The following SPAG9 variants were observed in gnomAD, a reference collection of about 807,000 sequenced individuals.
The protein encoded by SPAG9 is sperm associated antigen 9.
SPAG9 carries 35 observed loss-of-function variants against 166.5 expected under a neutral mutation model. That is an observed-to-expected ratio of 0.21 (90% CI 0.16 to 0.28). The LOEUF (loss-of-function observed/expected upper bound fraction) is 0.28. Ranked by LOEUF, SPAG9 falls within the 10% of genes least tolerant of loss-of-function variation. SPAG9 has a pLI of 1.00. For synonymous variants in SPAG9, 534 were observed against 565.5 expected, an observed-to-expected ratio of 0.94 and a Z score of 0.79; for missense variants, 1,235 against 1,603.3, an observed-to-expected ratio of 0.77 and a Z score of 3.92.
In SPAG9 at chr17:51,072,553, C is replaced by T. The variant is rs147896938; in HGVS notation, c.424+7031G>A. 5.4e-3 allele frequency among the ~76,000 whole-genome samples: 817 copies of T among 151,600 alleles called. 5 individuals are homozygous for T. The highest frequency in any genetic ancestry group is 0.018 in the African/African-American group (764 of 41,366). On this transcript the variant is annotated intron_variant, in intron 2 of 29. Transcript: ENST00000262013. Reference sequence around the variant, plus strand: ...CAAAAATTAGCCAGGTGTGGTGGCACGCACCTGAAGTCCCAGCTACTCAAG... The same window carrying T: ...CAAAAATTAGCCAGGTGTGGTGGCATGCACCTGAAGTCCCAGCTACTCAAG...
At chr17:51,024,833 A>G (rs1049250316) in intron 6 of SPAG9, among the ~76,000 whole-genome samples, 1 of 152,066 alleles carries the variant, frequency 6.6e-6, no homozygotes, top group African/African-American at 2.4e-5. Context: ...CCATCACATA[A>G]AACAATAATA....
intron 1 of SPAG9, among the ~76,000 whole-genome samples, chr17:51,109,784 T>G (rs1276883629): frequency 4.6e-5 from 7 of 152,128 alleles, no homozygotes; most frequent in African/African-American, 1.7e-4. Flanking sequence ...TGAACACATC[T>G]TACCTCAGCC....
In SPAG9 at chr17:51,120,471, G is replaced by C; in HGVS notation, c.186C>G (p.Asp62Glu). The change falls in exon 1 of 30, where the codon GAC (aspartate) becomes GAG (glutamate). Residue 62 changes from aspartate (D) to glutamate (E), a missense_variant. Physicochemically the swap from Asp to Glu is conservative, Grantham distance 45 (BLOSUM62 2). Around this residue, in one of 6 missense-constraint regions of SPAG9, gnomAD observed 83 missense variants for 149.8 expected, o/e 0.55. Transcript: ENST00000262013. The surrounding 1 kb of genome is among the most constrained non-coding windows in gnomAD (Gnocchi z 4.7). ...PLVVAVLENL[D>E]SVFAQDQEHQ... Reference sequence around the variant, plus strand: ...GCTCCTGGTCCTGCGCGAACACCGAGTCCAGGTTCTCCAGCACAGCCACCA... The same window carrying C: ...GCTCCTGGTCCTGCGCGAACACCGACTCCAGGTTCTCCAGCACAGCCACCA... 6.2e-7 allele frequency: 1 copy of C among 1,614,008 alleles called. No homozygotes were observed. Among genetic ancestry groups the C allele is most frequent in the Non-Finnish European group, 8.5e-7 (1 of 1,179,914 alleles).
At chr17:51,095,063 A>G (rs547132714) in intron 1 of SPAG9, among the ~76,000 whole-genome samples, 15 of 152,194 alleles carry the variant, frequency 9.9e-5, no homozygotes, top group African/African-American at 3.6e-4. Flanking sequence ...CGGGAGGCCG[A>G]GGTGCATGGA....
rs1568083772 is a variant in SPAG9 at position 51,095,960 on chromosome 17, T to TATATATATATAGTG, written c.304-16270_304-16257dup. On this transcript the variant is annotated intron_variant, in intron 1 of 29. Transcript: ENST00000262013. ...AGTGATATAGTTATATATATAGTGA[T>TATATATATATAGTG]ATATATATATAGTGATATATATATA... 4.0e-4 allele frequency among the ~76,000 whole-genome samples: 32 copies of TATATATATATAGTG among 79,910 alleles called. 1 individual carries two copies. Among genetic ancestry groups the TATATATATATAGTG allele is most frequent in the Admixed American group, 3.5e-3 (30 of 8,470 alleles). 52.4% of individuals were successfully genotyped at this position (79,910 alleles called of 152,430 possible).
At chr17:51,039,769 A>T (rs1038129800) in intron 5 of SPAG9, among the ~76,000 whole-genome samples, 1 of 152,216 alleles carries the variant, frequency 6.6e-6, no homozygotes, top group African/African-American at 2.4e-5. Flanking sequence ...TTTGGGTAGT[A>T]TTAAAATATA....
chr17:51,083,687 C>T (rs982748517), intron 1 of SPAG9, among the ~76,000 whole-genome samples: 1 of 151,924 alleles, frequency 6.6e-6, no homozygotes, highest in African/African-American at 2.4e-5. Flanking sequence ...TCCAGAGTAG[C>T]TGGAACTACA....
At chr17:50,991,460 T>C (rs1975541470) in intron 19 of SPAG9, among the ~76,000 whole-genome samples, 1 of 151,996 alleles carries the variant, frequency 6.6e-6, no homozygotes, top group South Asian at 2.1e-4. Flanking sequence ...TTTTTTAATT[T>C]AGAAAATTGT....
chr17:51,099,678 T>G (rs544556364), intron 1 of SPAG9, among the ~76,000 whole-genome samples: 1 of 149,452 alleles, frequency 6.7e-6, no homozygotes, highest in African/African-American at 2.4e-5. Context: ...CATTTCTGAC[T>G]TTAATTTACA....
intron 2 of SPAG9, 51 bp downstream of exon 2, chr17:51,079,533 C>A (rs1283167860): frequency 6.3e-7 from 1 of 1,590,020 alleles, no homozygotes. Context: ...GCCACCACGT[C>A]TGGCCAAGCC....
chr17:50,996,351 C>T, intron 16 of SPAG9: 1 of 546,902 alleles, frequency 1.8e-6, no homozygotes, highest in East Asian at 3.1e-5. Flanking sequence ...TTTATTGACT[C>T]CTCCCCCCCT....
intron 8 of SPAG9, among the ~76,000 whole-genome samples, chr17:51,019,541 A>C (rs539374702): frequency 2.1e-5 from 3 of 146,166 alleles, no homozygotes; most frequent in African/African-American, 2.6e-5. Flanking sequence ...TGGGCTACAG[A>C]GCGAGACTCC....
Position 50,987,149 on chromosome 17 carries a change from G to C in SPAG9, c.2902C>G (p.Leu968Val), listed in dbSNP as rs1172503623. Residue 968 changes from leucine (L) to valine (V), a missense_variant, in exon 22 of 30, where the codon CTT (leucine) becomes GTT (valine). Around this residue, in one of 6 missense-constraint regions of SPAG9, gnomAD observed 493 missense variants for 559.4 expected, o/e 0.88. Coordinates refer to ENST00000262013, the MANE Select transcript of SPAG9 (RefSeq NM_001130528.3). ...VREEAQKMSS[L>V]LPTMWLGAQN... ...GCTCCAAGCCACATAGTTGGTAAAA[G>C]ACTACTCATTTTCTGGGCTTCTTCT... The C allele has an allele frequency of 6.2e-7, 1 of 1,613,174 alleles. No individual in the cohort carries two copies.
chr17:51,023,409 G>A, intron 6 of SPAG9: 1 of 248,262 alleles, frequency 4.0e-6, no homozygotes, highest in Non-Finnish European at 8.2e-6. Flanking sequence ...ATGCTGAAGT[G>A]GTAGCTTTAG....
Position 50,990,659 on chromosome 17 carries a change from T to A in SPAG9, c.2408A>T (p.Glu803Val), listed in dbSNP as rs780306981. The change falls in exon 20 of 30, where the codon GAA becomes GTA. Residue 803 changes from glutamate to valine, a missense_variant. By Grantham distance (121) the Glu-to-Val change is moderately radical (BLOSUM62 -2). This residue lies in a region of SPAG9 where 493 missense variants were observed against 559.4 expected (regional missense o/e 0.88). Coordinates refer to ENST00000262013, the MANE Select transcript of SPAG9 (RefSeq NM_001130528.3). ...LCIASVPGAR[E>V]TDYPAGEDLS... ...ATCTTCTCCTGCAGGGTAGTCTGTTTCTCGTGCACCTGAAAAATAAATCTT... is the reference window on the plus strand; with the variant it reads ...ATCTTCTCCTGCAGGGTAGTCTGTTACTCGTGCACCTGAAAAATAAATCTT... The A allele has an allele frequency of 1.2e-6, 2 of 1,613,744 alleles. No individual in the cohort carries two copies. Among genetic ancestry groups the A allele is most frequent in the Non-Finnish European group, 1.7e-6 (2 of 1,179,738 alleles).
At chr17:51,034,014 T>C (rs1187952147) in intron 5 of SPAG9, among the ~76,000 whole-genome samples, 2 of 151,226 alleles carry the variant, frequency 1.3e-5, no homozygotes, top group African/African-American at 2.5e-5. Flanking sequence ...TTGGTCAACA[T>C]ACAACACAAT....
At chr17:51,048,296 T>C (rs1018210551) in intron 3 of SPAG9, among the ~76,000 whole-genome samples, 8 of 151,934 alleles carry the variant, frequency 5.3e-5, no homozygotes, top group Admixed American at 5.2e-4. Context: ...AGACATAAAA[T>C]CAAAAGGCCT....
At chr17:50,968,046 C>G (rs538719394) in intron 29 of SPAG9, among the ~76,000 whole-genome samples, 7 of 152,188 alleles carry the variant, frequency 4.6e-5, no homozygotes, top group Non-Finnish European at 1.0e-4. Flanking sequence ...CACTCCAACA[C>G]AAAGTTACAA....
intron 25 of SPAG9, among the ~76,000 whole-genome samples, chr17:50,980,607 C>A (rs576117340): frequency 6.6e-6 from 1 of 151,882 alleles, no homozygotes; most frequent in African/African-American, 2.4e-5. Context: ...GTGGCTCACA[C>A]CTGTAATCCC....
Sources: gnomAD v4.1 joint callset for allele counts (sites outside exome capture counted in the v4.1 genomes callset) on GRCh38, gnomAD v4.1.1 for gene constraint, gnomAD v4.1.1 regional missense constraint, Gnocchi (gnomAD v3.1) non-coding constraint, MANE v1.5 for transcripts, NCBI Gene and HGNC (gene_info 2026-07-23, HGNC 2026-07-21) for gene names.